PARP14: variants seen among roughly 807,000 people sequenced by gnomAD.
The protein encoded by PARP14 is poly(ADP-ribose) polymerase family member 14, also known as protein mono-ADP-ribosyltransferase PARP14.
A neutral mutation model predicts 154.2 loss-of-function variants in PARP14; 59 were observed. The ratio of observed to expected loss-of-function variants is 0.38; its 90% CI spans 0.31 to 0.48. The LOEUF (loss-of-function observed/expected upper bound fraction) is 0.48. Ranked by LOEUF, PARP14 falls within the 20% of genes least tolerant of loss-of-function variation. PARP14 has a pLI of 0.98. For missense variants in PARP14, 1,734 were observed against 2,131.6 expected (o/e 0.81, Z 3.67); for synonymous variants, 720 against 780.5 (o/e 0.92, Z 1.29).
chr3:122,713,281 A>G, intron 9 of PARP14, 143 bp from the exon 10 acceptor site: 1 of 589,964 alleles, frequency 1.7e-6, no homozygotes. Context: ...ACTGAGGCTG[A>G]GGAGCAGGGC....
intron 9 of PARP14, among the ~76,000 whole-genome samples, chr3:122,709,045 A>C (rs902375615): frequency 5.3e-5 from 8 of 152,056 alleles, no homozygotes; most frequent in African/African-American, 1.9e-4. Flanking sequence ...TTTCATTTGC[A>C]ATATATTATT....
At chr3:122,709,176 G>A (rs867810289) in intron 9 of PARP14, among the ~76,000 whole-genome samples, 6 of 151,968 alleles carry the variant, frequency 3.9e-5, no homozygotes, top group Non-Finnish European at 5.9e-5. Flanking sequence ...TACTGTACCC[G>A]TTATGTAGTC....
Position 122,720,337 on chromosome 3 carries a change from C to T in PARP14, c.4890C>T (p.Asn1630=), listed in dbSNP as rs1933131441. The T allele has an allele frequency of 7.4e-6, 12 of 1,613,054 alleles. No homozygotes were observed. Among genetic ancestry groups the T allele is most frequent in the Non-Finnish European group, 1.0e-5 (12 of 1,179,442 alleles). ...TGCTGCCTAGTGATCCTGAGTACAACACGGTGGCAAGCAAGTTTAATCAGA... is the reference window on the plus strand; with the variant it reads ...TGCTGCCTAGTGATCCTGAGTACAATACGGTGGCAAGCAAGTTTAATCAGA... The part of the protein sequence containing the change: ...VELLPSDPEY[N]TVASKFNQTC... Residue 1630 remains asparagine (N), a synonymous_variant, in exon 15 of 17, where the codon AAC becomes AAT. Transcript: ENST00000474629.
Position 122,703,786 on chromosome 3 carries a change from T to C in PARP14, c.3126T>C (p.Ser1042=). The C allele has an allele frequency of 6.2e-7, 1 of 1,613,860 alleles. No individual in the cohort carries two copies. The highest frequency in any genetic ancestry group is 8.5e-7 in the Non-Finnish European group (1 of 1,179,744). ...CCGTTCCCTTGGATCTCGTGCTTAG[T>C]AGAGGGCCTCTTTCTAAGTCCCTCT... ...VNSVPLDLVL[S]RGPLSKSLLE... The change falls in exon 7 of 17, where the codon AGT becomes AGC. Residue 1042 remains serine, a synonymous_variant. Transcript: ENST00000474629.
At chr3:122,682,152 G>A (rs534605685) in intron 1 of PARP14, among the ~76,000 whole-genome samples, 1 of 152,284 alleles carries the variant, frequency 6.6e-6, no homozygotes, top group South Asian at 2.1e-4. Context: ...AAAATACCAT[G>A]TTTTCCTAGG....
At chr3:122,726,750 C>T (rs1045362354) in intron 15 of PARP14, among the ~76,000 whole-genome samples, 1 of 151,392 alleles carries the variant, frequency 6.6e-6, no homozygotes, top group Admixed American at 6.6e-5. Flanking sequence ...AATTAAGAGA[C>T]TAAGAAATTG....
chr3:122,690,782 G>T lies in PARP14; in HGVS notation c.356-1519G>T, dbSNP rs891952769. Among the ~76,000 whole-genome samples the T allele has an allele frequency of 3.9e-5, 6 of 152,314 alleles. 1 individual carries two copies. Among genetic ancestry groups the T allele is most frequent in the Middle Eastern group, 6.8e-3 (2 of 294 alleles). On this transcript the variant is annotated intron_variant, in intron 3 of 16. Coordinates refer to ENST00000474629, the MANE Select transcript of PARP14 (RefSeq NM_017554.3). ...CTGCCTCGTTCTCCCAAAGTGCTGG[G>T]ATTACAGGCATGAGCCACTGCGCCT...
rs1246860726 is a variant in PARP14 at position 122,729,930 on chromosome 3, T to C, written c.*1333T>C. Reference sequence around the variant, plus strand: ...ATAAACCAAAGGAAGTAAGCAGTCATATTGCTAATTTGCTAACTCCTATCT... The same window carrying C: ...ATAAACCAAAGGAAGTAAGCAGTCACATTGCTAATTTGCTAACTCCTATCT... On this transcript the variant is annotated 3_prime_UTR_variant, in exon 17 of 17. Transcript: ENST00000474629. 3 of 152,256 alleles carry C rather than the reference T, an allele frequency of 2.0e-5. No individual in the cohort carries two copies. Among genetic ancestry groups the C allele is most frequent in the Non-Finnish European group, 1.5e-5 (1 of 68,048 alleles). The allele number at this position is 152,256 out of a possible 1,614,324, so 9.4% of individuals were successfully genotyped here. A position where few individuals can be genotyped will look rare whatever the true frequency, so the allele number is the denominator to read the frequency against.
chr3:122,726,886 G>A (rs201240949), intron 15 of PARP14, among the ~76,000 whole-genome samples: 4 of 118,308 alleles, frequency 3.4e-5, no homozygotes, highest in African/African-American at 1.4e-4. Flanking sequence ...AGAATACAAA[G>A]GAAAAATAAT....
rs560801875 is a variant in PARP14 at position 122,714,151 on chromosome 3, G to A, written c.3833-111G>A. The A allele has an allele frequency of 8.7e-5, 68 of 777,228 alleles. No homozygotes were observed. In the African/African-American group the frequency reaches 1.2e-3, roughly 14 times the overall value. The allele number at this position is 777,228 out of a possible 1,614,324, so 48.1% of individuals were successfully genotyped here. A position where few individuals can be genotyped will look rare whatever the true frequency, so the allele number is the denominator to read the frequency against. ...TTCCATCAAAGATAGTATTTCAGGA[G>A]TTTTTTTTTTTTCACAAAATGCTTA... On this transcript the variant is annotated intron_variant, in intron 11 of 16. Coordinates refer to ENST00000474629, the MANE Select transcript of PARP14 (RefSeq NM_017554.3).
chr3:122,704,077 C>G (rs1364694372), intron 7 of PARP14, 99 bp downstream of exon 7: 5 of 774,172 alleles, frequency 6.5e-6, no homozygotes, highest in Non-Finnish European at 1.1e-5. Context: ...TTGTCTGTTT[C>G]TCTTCCATAA....
intron 12 of PARP14, among the ~76,000 whole-genome samples, chr3:122,717,686 T>C (rs1933032945): frequency 6.6e-6 from 1 of 152,218 alleles, no homozygotes; most frequent in African/African-American, 2.4e-5. Flanking sequence ...TGTCAACATA[T>C]ATTAGCATCT....
At position 122,714,384 on chromosome 3, in the gene PARP14, G is replaced by C; in HGVS notation, c.3955G>C (p.Glu1319Gln). 2 of 1,506,464 alleles carry C rather than the reference G, an allele frequency of 1.3e-6. No homozygotes were observed. The highest frequency in any genetic ancestry group is 1.8e-6 in the Non-Finnish European group (2 of 1,115,836). 93.3% of individuals were successfully genotyped at this position (1,506,464 alleles called of 1,614,324 possible). The change falls in exon 12 of 17, where the codon GAA becomes CAA. Residue 1319 changes from glutamate to glutamine, a missense_variant. This residue lies in a region of PARP14 where 1,646 missense variants were observed against 1,976.0 expected (regional missense o/e 0.83). Coordinates refer to ENST00000474629, the MANE Select transcript of PARP14 (RefSeq NM_017554.3). The stretch of plus-strand genomic sequence containing the variant: ...AGTTTCCTCTGTTTTGCAGGAGTGT[G>C]AAAAAAAAAATTACTCATCCATTTG... Reference protein sequence around the residue: ...SSVSSVLQECEKKNYSSICLP... With the variant: ...SSVSSVLQECQKKNYSSICLP...
Position 122,700,563 on chromosome 3 carries a change from A to G in PARP14, c.2009A>G (p.Lys670Arg), listed in dbSNP as rs1208464926. The G allele has an allele frequency of 4.4e-6, 7 of 1,594,272 alleles. No individual in the cohort carries two copies. In the Admixed American group the frequency reaches 5.3e-5, roughly 12 times the overall value. Residue 670 changes from lysine (K) to arginine (R), a missense_variant, in exon 6 of 17, where the codon AAA (lysine) becomes AGA (arginine). Transcript: ENST00000474629. Reference sequence around the variant, plus strand: ...TTTAACTTCGTTGAACAAAACATGAAAATAGAGAGACTGGTTGAAGTAAAG... The same window carrying G: ...TTTAACTTCGTTGAACAAAACATGAGAATAGAGAGACTGGTTGAAGTAAAG... The part of the protein sequence containing the change: ...LLFNFVEQNM[K>R]IERLVEVKPS...
chr3:122,719,615 A>G (rs1933108659), intron 14 of PARP14, among the ~76,000 whole-genome samples: 2 of 152,216 alleles, frequency 1.3e-5, no homozygotes, highest in South Asian at 4.1e-4. Flanking sequence ...CCATTACACT[A>G]TATTTATCTC....
chr3:122,718,424 G>T lies in PARP14; in HGVS notation c.4273G>T (p.Glu1425Ter). ...KNHLVLEKKT[E>*]SATFRVCGEN... ...TCATTTGGTTTTGGAAAAGAAAACA[G>T]AATCAGCAACTTTTCGGGTGTGTGG... The change falls in exon 14 of 17, where the codon GAA becomes TAA. Residue 1425 changes from glutamate (E) to a stop codon, truncating the protein, a stop_gained. Transcript: ENST00000474629. LOFTEE classifies it high-confidence loss of function. 6.2e-7 allele frequency: 1 copy of T among 1,613,622 alleles called. No individual in the cohort carries two copies. Among genetic ancestry groups the T allele is most frequent in the Non-Finnish European group, 8.5e-7 (1 of 1,179,774 alleles).
At chr3:122,703,147 C>G (rs530238070) in intron 6 of PARP14, among the ~76,000 whole-genome samples, 1 of 152,048 alleles carries the variant, frequency 6.6e-6, no homozygotes, top group South Asian at 2.1e-4. Context: ...TTGAAAATCA[C>G]TTGGTTACAT....
At chr3:122,720,828 G>T in intron 15 of PARP14, 1 of 456,780 alleles carries the variant, frequency 2.2e-6, no homozygotes, top group Non-Finnish European at 4.4e-6. Context: ...TTTTGGGCAG[G>T]TGAATGTGAT....
chr3:122,684,627 A>T (rs1450222809), intron 1 of PARP14, among the ~76,000 whole-genome samples: 10 of 151,610 alleles, frequency 6.6e-5, no homozygotes, highest in Admixed American at 6.6e-4. Flanking sequence ...TTTTTGCAAA[A>T]ATCTCCCCCT....
Sources: gnomAD v4.1 joint callset for allele counts (sites outside exome capture counted in the v4.1 genomes callset) on GRCh38, gnomAD v4.1.1 for gene constraint, gnomAD v4.1.1 regional missense constraint, MANE v1.5 for transcripts, NCBI Gene and HGNC (gene_info 2026-07-23, HGNC 2026-07-21) for gene names.